Variants in GUCY1A2 observed in about 807,000 individuals in gnomAD.
The protein encoded by GUCY1A2 is guanylate cyclase 1 soluble subunit alpha 2.
In GUCY1A2, 27 loss-of-function variants were observed where a neutral mutation model predicts 63.5. That is an observed-to-expected ratio of 0.43 (90% CI 0.31 to 0.59). The LOEUF (loss-of-function observed/expected upper bound fraction) is 0.59. GUCY1A2 is among the 20% of genes least tolerant of loss of function. The probability of loss-of-function intolerance (pLI) is 0.11; values close to 1 mark genes in which losing one functional copy is unlikely to be tolerated. For synonymous variants in GUCY1A2, 364 were observed against 343.5 expected (o/e 1.06, Z -0.66); for missense variants, 768 against 913.3 (o/e 0.84, Z 2.05).
chr11:106,944,234 A>AAAGCAGGTG, intron 3 of GUCY1A2, among the ~76,000 whole-genome samples: 1 of 144,308 alleles, frequency 6.9e-6, no homozygotes, highest in Non-Finnish European at 1.5e-5. Flanking sequence ...AAAAAAAAAA[A>AAAGCAGGTG]AAGCAGGTGG....
At chr11:106,833,943 G>A (rs935967333) in intron 4 of GUCY1A2, among the ~76,000 whole-genome samples, 2 of 151,868 alleles carry the variant, frequency 1.3e-5, no homozygotes, top group African/African-American at 4.8e-5. Flanking sequence ...AGGTACAATT[G>A]ATAAATTAAA....
intron 4 of GUCY1A2, among the ~76,000 whole-genome samples, chr11:106,863,667 G>T (rs1312890183): frequency 6.6e-6 from 1 of 152,014 alleles, no homozygotes; most frequent in Non-Finnish European, 1.5e-5. Context: ...TTCTAATTCT[G>T]TGAAGAAAGT....
At chr11:107,006,741 C>T (rs1186842747) in intron 1 of GUCY1A2, among the ~76,000 whole-genome samples, 7 of 152,218 alleles carry the variant, frequency 4.6e-5, no homozygotes. Context: ...AGGATGTTCA[C>T]ACAATCTACA....
intron 6 of GUCY1A2, among the ~76,000 whole-genome samples, chr11:106,773,185 C>CA (rs1402220459): frequency 1.7e-5 from 1 of 57,714 alleles, no homozygotes; most frequent in Non-Finnish European, 3.3e-5. Context: ...GTTAATCATT[C>CA]CTTTTATTTT....
chr11:106,920,496 A>G (rs1215067996), intron 4 of GUCY1A2, among the ~76,000 whole-genome samples: 2 of 152,176 alleles, frequency 1.3e-5, no homozygotes, highest in Non-Finnish European at 2.9e-5. Context: ...ATACATTAAC[A>G]TGGGTGGAGT....
intron 4 of GUCY1A2, among the ~76,000 whole-genome samples, chr11:106,875,510 C>G (rs1859737213): frequency 6.6e-6 from 1 of 152,126 alleles, no homozygotes; most frequent in African/African-American, 2.4e-5. Flanking sequence ...AACACTGAGA[C>G]TCTTTTTTAT....
intron 3 of GUCY1A2, among the ~76,000 whole-genome samples, chr11:106,964,814 C>G (rs1022028145): frequency 6.6e-6 from 1 of 151,978 alleles, no homozygotes; most frequent in Admixed American, 6.6e-5. Context: ...CCCATCTCTA[C>G]TAAAAATACG....
chr11:106,886,550 C>T (rs1255982221), intron 4 of GUCY1A2, among the ~76,000 whole-genome samples: 1 of 151,992 alleles, frequency 6.6e-6, no homozygotes, highest in Non-Finnish European at 1.5e-5. Flanking sequence ...TACACATATA[C>T]AAAGTGTGTG....
intron 4 of GUCY1A2, among the ~76,000 whole-genome samples, chr11:106,905,838 G>T (rs1860197500): frequency 6.6e-6 from 1 of 152,140 alleles, no homozygotes; most frequent in Non-Finnish European, 1.5e-5. Context: ...TGTATGTACA[G>T]ATTTCTGTGA....
At chr11:107,017,621 G>A (rs907958254) in intron 1 of GUCY1A2, 132 bp downstream of exon 1, 1 of 423,542 alleles carries the variant, frequency 2.4e-6, no homozygotes, top group Non-Finnish European at 4.0e-6. Context: ...GGAACCCTAG[G>A]CCGTGCAGGG....
At chr11:106,764,228 C>T in intron 6 of GUCY1A2, among the ~76,000 whole-genome samples, 1 of 152,072 alleles carries the variant, frequency 6.6e-6, no homozygotes, top group Admixed American at 6.6e-5. Context: ...CATTGCACTG[C>T]TATTACGTCT....
chr11:106,974,528 C>G (rs1325167782), intron 3 of GUCY1A2, among the ~76,000 whole-genome samples: 1 of 151,882 alleles, frequency 6.6e-6, no homozygotes, highest in Admixed American at 6.6e-5. Context: ...TATAAAAAAA[C>G]AGAGAGTTCC....
At chr11:106,980,324 G>A (rs551936572) in intron 2 of GUCY1A2, among the ~76,000 whole-genome samples, 10 of 152,196 alleles carry the variant, frequency 6.6e-5, no homozygotes, top group African/African-American at 2.2e-4. Flanking sequence ...AAGTCCTTAG[G>A]TGCAGGAGCT....
chr11:106,934,506 T>G (rs1178315973), intron 4 of GUCY1A2, among the ~76,000 whole-genome samples: 1 of 152,182 alleles, frequency 6.6e-6, no homozygotes, highest in African/African-American at 2.4e-5. Flanking sequence ...AACTTTTCAA[T>G]CATCGCCTCA....
At position 106,725,423 on chromosome 11, in the gene GUCY1A2, C is replaced by A. The variant is rs1457193670; in HGVS notation, c.1837-16757G>T. On this transcript the variant is annotated intron_variant, in intron 6 of 7. Coordinates refer to ENST00000526355, the MANE Select transcript of GUCY1A2 (RefSeq NM_000855.3). ...TCCTGACCTCGTGATCCGCCCGCCTCGGCCTCCCAAAGTGCGACATAAATT... is the reference window on the plus strand; with the variant it reads ...TCCTGACCTCGTGATCCGCCCGCCTAGGCCTCCCAAAGTGCGACATAAATT... 1.5e-4 allele frequency among the ~76,000 whole-genome samples: 7 copies of A among 47,264 alleles called. 3 individuals are homozygous for A. The highest frequency in any genetic ancestry group is 6.3e-4 in the Admixed American group (3 of 4,792). The allele number at this position is 47,264 out of a possible 152,430, so 31.0% of individuals were successfully genotyped here.
chr11:106,829,765 G>T (rs1859025988), intron 4 of GUCY1A2, among the ~76,000 whole-genome samples: 1 of 152,154 alleles, frequency 6.6e-6, no homozygotes, highest in African/African-American at 2.4e-5. Context: ...AGGTAAGGAA[G>T]AATATGTGTG....
chr11:106,776,649 C>G, intron 5 of GUCY1A2, 67 bp from the exon 6 acceptor site: 1 of 1,424,290 alleles, frequency 7.0e-7, no homozygotes, highest in Admixed American at 1.9e-5. Context: ...GATTAGTTAT[C>G]TGCAATCACA....
intron 6 of GUCY1A2, among the ~76,000 whole-genome samples, chr11:106,749,647 T>A (rs573385407): frequency 1.4e-4 from 21 of 152,206 alleles, no homozygotes; most frequent in South Asian, 1.3e-3. Flanking sequence ...CCTAGACAGA[T>A]AATTTAAGAG....
chr11:106,776,292 A>T, intron 6 of GUCY1A2, 147 bp downstream of exon 6: 1 of 608,370 alleles, frequency 1.6e-6, no homozygotes, highest in Non-Finnish European at 2.9e-6. Flanking sequence ...TGGATTTATG[A>T]GTTATCTCTA....
Sources: gnomAD v4.1 joint callset for allele counts (sites outside exome capture counted in the v4.1 genomes callset) on GRCh38, gnomAD v4.1.1 for gene constraint, MANE v1.5 for transcripts, NCBI Gene and HGNC (gene_info 2026-07-23, HGNC 2026-07-21) for gene names.